The following TRPC7 variants were observed in gnomAD, a reference collection of about 807,000 sequenced individuals.
TRPC7 encodes the protein short transient receptor potential channel 7.
Under a neutral mutation model 90.1 loss-of-function variants are expected in TRPC7, and 42 were observed. The observed-to-expected ratio is 0.47, with a 90% confidence interval of 0.36 to 0.60. The LOEUF (loss-of-function observed/expected upper bound fraction) is 0.60, where lower values mean the gene tolerates loss of function less well. Ranked by LOEUF, TRPC7 falls within the 20% of genes least tolerant of loss-of-function variation. TRPC7 has a pLI of 0.00. For missense variants in TRPC7, 955 were observed against 1,112.3 expected (o/e 0.86, Z 2.01); for synonymous variants, 451 against 436.3 (o/e 1.03, Z -0.42).
At chr5:136,279,142 T>C (rs1448452879) in intron 3 of TRPC7, among the ~76,000 whole-genome samples, 1 of 152,266 alleles carries the variant, frequency 6.6e-6, no homozygotes, top group Non-Finnish European at 1.5e-5. Flanking sequence ...TGTTCCTGTA[T>C]GCCAAGGACA....
chr5:136,315,830 TGGC>T (rs1561715930), intron 2 of TRPC7, 51 bp from the exon 3 acceptor site: 1 of 1,572,992 alleles, frequency 6.4e-7, no homozygotes, highest in Non-Finnish European at 8.7e-7. Flanking sequence ...GCCCGCAGAT[TGGC>T]TTGCCCAGCA....
chr5:136,317,183 C>T (rs997392239), intron 2 of TRPC7, among the ~76,000 whole-genome samples: 1 of 152,100 alleles, frequency 6.6e-6, no homozygotes, highest in Non-Finnish European at 1.5e-5. Flanking sequence ...AATGACCTCT[C>T]GGCTCAGGCG....
At chr5:136,223,289 CA>C (rs1179670412) in intron 10 of TRPC7, among the ~76,000 whole-genome samples, 2 of 152,184 alleles carry the variant, frequency 1.3e-5, no homozygotes, top group African/African-American at 4.8e-5. Flanking sequence ...GGACGGAAGA[CA>C]GAGATGGGAC....
At chr5:136,255,383 C>T (rs894383708) in intron 5 of TRPC7, among the ~76,000 whole-genome samples, 3 of 152,214 alleles carry the variant, frequency 2.0e-5, no homozygotes, top group African/African-American at 7.2e-5. Context: ...CAGTGGCCAT[C>T]AACATTGAGC....
At chr5:136,273,319 A>G (rs1429586259) in intron 4 of TRPC7, among the ~76,000 whole-genome samples, 1 of 152,202 alleles carries the variant, frequency 6.6e-6, no homozygotes, top group Non-Finnish European at 1.5e-5. Flanking sequence ...CTCATAATGA[A>G]GGACAGAAAA....
rs564599764 is a variant in TRPC7, at chr5:136,322,679, T to C, written c.781-6900A>G. Among the ~76,000 whole-genome samples the C allele has an allele frequency of 4.6e-5, 7 of 152,292 alleles. No homozygotes were observed. In the South Asian group the frequency reaches 1.4e-3, roughly 32 times the overall value. On this transcript the variant is annotated intron_variant, in intron 2 of 11. Transcript: ENST00000513104. ...CAACTATGCCCTGCATGTCAATTTC[T>C]TTTCTGTGTCATGGTATCTCATTGG...
chr5:136,225,939 G>C, intron 9 of TRPC7, 95 bp downstream of exon 9: 1 of 1,042,640 alleles, frequency 9.6e-7, no homozygotes, highest in Non-Finnish European at 1.4e-6. Context: ...CCTTGCATGG[G>C]GTGGGGGAGG....
chr5:136,322,375 T>C (rs13155779), intron 2 of TRPC7, among the ~76,000 whole-genome samples: 1 of 152,178 alleles, frequency 6.6e-6, no homozygotes, highest in East Asian at 1.9e-4. Flanking sequence ...GGTAAATGCC[T>C]AGGAGCGGGA....
chr5:136,328,367 G>A (rs1759405554), intron 2 of TRPC7, among the ~76,000 whole-genome samples: 1 of 152,160 alleles, frequency 6.6e-6, no homozygotes, highest in Non-Finnish European at 1.5e-5. Context: ...CTCTGCAGGA[G>A]GCTTTCCTTT....
At chr5:136,318,089 C>G (rs949276637) in intron 2 of TRPC7, among the ~76,000 whole-genome samples, 17 of 152,116 alleles carry the variant, frequency 1.1e-4, no homozygotes, top group Admixed American at 9.8e-4. Flanking sequence ...ATAGAGAGAA[C>G]CCAGGCCTGC....
intron 2 of TRPC7, among the ~76,000 whole-genome samples, chr5:136,321,264 C>T (rs1442643693): frequency 6.6e-6 from 1 of 152,090 alleles, no homozygotes; most frequent in African/African-American, 2.4e-5. Context: ...TCTCAACTAA[C>T]TTGGGGGAAA....
At chr5:136,220,432 G>T (rs184301237) in intron 10 of TRPC7, among the ~76,000 whole-genome samples, 2 of 152,310 alleles carry the variant, frequency 1.3e-5, no homozygotes, top group African/African-American at 4.8e-5. Flanking sequence ...GCCGCTCTGG[G>T]AGTGTCTGTC....
intron 3 of TRPC7, among the ~76,000 whole-genome samples, chr5:136,309,573 G>C (rs1758760707): frequency 6.6e-6 from 1 of 152,100 alleles, no homozygotes; most frequent in Non-Finnish European, 1.5e-5. Context: ...GGGGTGGGAG[G>C]CATGACTAAC....
chr5:136,282,954 G>A (rs1270506159), intron 3 of TRPC7, among the ~76,000 whole-genome samples: 1 of 152,016 alleles, frequency 6.6e-6, no homozygotes, highest in Non-Finnish European at 1.5e-5. Context: ...AGTCTTTCCA[G>A]GCTGGACGAC....
chr5:136,328,697 G>A (rs1346913123), intron 2 of TRPC7, among the ~76,000 whole-genome samples: 1 of 152,196 alleles, frequency 6.6e-6, no homozygotes. Context: ...CCCAAATAAG[G>A]TGCTTCACAC....
At chr5:136,332,615 T>A (rs983194317) in intron 2 of TRPC7, among the ~76,000 whole-genome samples, 1 of 152,084 alleles carries the variant, frequency 6.6e-6, no homozygotes, top group Non-Finnish European at 1.5e-5. Flanking sequence ...TGAATGTCTT[T>A]GAAAGATAGA....
chr5:136,320,655 G>T (rs1437884851), intron 2 of TRPC7, among the ~76,000 whole-genome samples: 1 of 152,030 alleles, frequency 6.6e-6, no homozygotes, highest in African/African-American at 2.4e-5. Flanking sequence ...TTTTCTCCCT[G>T]GTTTTATTTA....
chr5:136,299,353 GT>G, intron 3 of TRPC7, among the ~76,000 whole-genome samples: 1 of 144,342 alleles, frequency 6.9e-6, no homozygotes, highest in Non-Finnish European at 1.6e-5. Flanking sequence ...GTGTGTGTGT[GT>G]GTGTGTGTGT....
rs142112287 is a variant in TRPC7, at chr5:136,253,737, G to T, written c.1346-1855C>A. The stretch of plus-strand genomic sequence containing the variant: ...CAGTATTTCAACAATATTGATATTA[G>T]GCCAATTAATAGTTCTACAATGGTT... On this transcript the variant is annotated intron_variant, in intron 5 of 11. Coordinates refer to ENST00000513104, the MANE Select transcript of TRPC7 (RefSeq NM_020389.3). Among the ~76,000 whole-genome samples, 32 of 152,176 alleles carry T rather than the reference G, an allele frequency of 2.1e-4. No homozygotes were observed. The East Asian group carries it at 6.0e-3, about 28-fold the overall frequency.
Sources: gnomAD v4.1 joint callset for allele counts (sites outside exome capture counted in the v4.1 genomes callset) on GRCh38, gnomAD v4.1.1 for gene constraint, MANE v1.5 for transcripts, NCBI Gene and HGNC (gene_info 2026-07-23, HGNC 2026-07-21) for gene names.